GBP2: variants seen among roughly 807,000 people sequenced by gnomAD.
GBP2 encodes the protein guanylate binding protein 2.
Under a neutral mutation model 60.8 loss-of-function variants are expected in GBP2, and 54 were observed. The observed-to-expected ratio is 0.89, with a 90% confidence interval of 0.71 to 1.11. GBP2 has a LOEUF of 1.11. Ranked by LOEUF, GBP2 falls within the 50% of genes most tolerant of loss-of-function variation. The probability of loss-of-function intolerance (pLI) is 0.00; values close to 1 mark genes in which losing one functional copy is unlikely to be tolerated. For missense variants in GBP2, 665 were observed against 703.3 expected, an observed-to-expected ratio of 0.95 and a Z score of 0.62; for synonymous variants, 243 against 256.5, an observed-to-expected ratio of 0.95 and a Z score of 0.50.
chr1:89,110,200 C>G lies in GBP2; in HGVS notation c.1429G>C (p.Asp477His). ...TTTTCCTTTTCTGAGAGTGACTGAT[C>G]AGTCTGTAGAAGTGCATCAGCCACA... ...EDVADALLQTDQSLSEKEKAI... is the reference protein window; with the variant it reads ...EDVADALLQTHQSLSEKEKAI... The change falls in exon 9 of 11, where the codon GAT becomes CAT. Residue 477 changes from aspartate to histidine, a missense_variant. By Grantham distance (81) the Asp-to-His change is moderately conservative. Coordinates refer to ENST00000370466, the MANE Select transcript of GBP2 (RefSeq NM_004120.5). The G allele has an allele frequency of 6.2e-7, 1 of 1,613,604 alleles. No homozygotes were observed. Among genetic ancestry groups the G allele is most frequent in the South Asian group, 1.1e-5 (1 of 91,038 alleles).
intron 8 of GBP2, among the ~76,000 whole-genome samples, chr1:89,111,590 TAG>T (rs1681166027): frequency 7.7e-6 from 1 of 129,168 alleles, no homozygotes; most frequent in Admixed American, 1.0e-4. Flanking sequence ...TTCATGAAGA[TAG>T]AGAGTAGAAG....
intron 1 of GBP2, among the ~76,000 whole-genome samples, chr1:89,123,523 C>A (rs1440594496): frequency 6.6e-6 from 1 of 152,110 alleles, no homozygotes; most frequent in African/African-American, 2.4e-5. Context: ...AATTCTAGTA[C>A]ATATAATTTG....
rs779174359 is a variant in GBP2, at chr1:89,120,238, G to T, written c.369C>A (p.Ser123Arg). The T allele has an allele frequency of 6.8e-5, 110 of 1,613,850 alleles. 1 individual carries two copies. The highest frequency in any genetic ancestry group is 1.1e-5 in the South Asian group (1 of 91,092). Residue 123 changes from serine (S) to arginine (R), a missense_variant, in exon 4 of 11, where the codon AGC (serine) becomes AGA (arginine). Ser to Arg is a moderately radical substitution (Grantham distance 110). Transcript: ENST00000370466. ...SWIFALAILL[S>R]STFVYNSMGT... ...CCATGCTATTGTACACGAAGGTGCT[G>T]CTCAGGAGGATGGCCAAGGCAAAGA...
At chr1:89,124,619 C>T (rs570148545) in intron 1 of GBP2, among the ~76,000 whole-genome samples, 3 of 152,316 alleles carry the variant, frequency 2.0e-5, no homozygotes, top group African/African-American at 7.2e-5. Context: ...AGCCCCTCTA[C>T]GGACAGGGTC....
chr1:89,121,193 C>G lies in GBP2; in HGVS notation c.268G>C (p.Glu90Gln). The change falls in exon 3 of 11, where the codon GAA becomes CAA. Residue 90 changes from glutamate to glutamine, a missense_variant. By Grantham distance (29) the Glu-to-Gln change is conservative. Coordinates refer to ENST00000370466, the MANE Select transcript of GBP2 (RefSeq NM_004120.5). The stretch of plus-strand genomic sequence containing the variant: ...GTGTCGAGCAGAACTAGGGTGTGTT[C>G]TGGCTTCTTGGGATGAGGCACACAC... ...MWCVPHPKKP[E>Q]HTLVLLDTEG... 1 of 1,613,254 alleles carries G rather than the reference C, an allele frequency of 6.2e-7. No homozygotes were observed. Among genetic ancestry groups the G allele is most frequent in the Non-Finnish European group, 8.5e-7 (1 of 1,179,500 alleles).
At chr1:89,122,037 T>C (rs1275908005) in intron 1 of GBP2, 54 bp from the exon 2 acceptor site, 12 of 1,348,104 alleles carry the variant, frequency 8.9e-6, no homozygotes, top group Non-Finnish European at 1.1e-5. Context: ...TAGTTAGCTA[T>C]GCTGAACTTT....
At chr1:89,116,887 A>G in intron 6 of GBP2, 105 bp downstream of exon 6, 1 of 1,097,472 alleles carries the variant, frequency 9.1e-7, no homozygotes, top group Non-Finnish European at 1.3e-6. Context: ...TGCCATCAAT[A>G]GACTATGCAT....
At chr1:89,120,070 G>C (rs191809743) in intron 4 of GBP2, 109 bp downstream of exon 4, 420 of 721,478 alleles carry the variant, frequency 5.8e-4, no homozygotes, top group Admixed American at 8.4e-4. Context: ...TTATTAAAGA[G>C]AGGACTTATG....
chr1:89,111,650 G>C (rs1681168959), intron 8 of GBP2, among the ~76,000 whole-genome samples: 2 of 146,980 alleles, frequency 1.4e-5, no homozygotes, highest in South Asian at 4.4e-4. Flanking sequence ...GGGGGAGGGA[G>C]GTGGGGATGG....
rs1199959999 is a variant in GBP2 at position 89,107,263 on chromosome 1, C to T, written c.*912G>A. On this transcript the variant is annotated 3_prime_UTR_variant, in exon 11 of 11. Coordinates refer to ENST00000370466, the MANE Select transcript of GBP2 (RefSeq NM_004120.5). Reference sequence around the variant, plus strand: ...TAGCTTTGAGGATATAATGTCATAGCAGAGGAGCAGAGAGAAAAATGCAGT... The same window carrying T: ...TAGCTTTGAGGATATAATGTCATAGTAGAGGAGCAGAGAGAAAAATGCAGT... Among the ~76,000 whole-genome samples, 1 of 151,412 alleles carries T rather than the reference C, an allele frequency of 6.6e-6. No individual in the cohort carries two copies. The highest frequency in any genetic ancestry group is 1.5e-5 in the Non-Finnish European group (1 of 67,944).
chr1:89,111,999 C>T (rs1046098631), intron 8 of GBP2, among the ~76,000 whole-genome samples: 10 of 152,148 alleles, frequency 6.6e-5, no homozygotes, highest in Non-Finnish European at 1.3e-4. Flanking sequence ...ATTAGTAATA[C>T]ATATTTTATA....
At chr1:89,115,080 C>T (rs962250051) in intron 6 of GBP2, among the ~76,000 whole-genome samples, 3 of 152,134 alleles carry the variant, frequency 2.0e-5, no homozygotes, top group Admixed American at 6.6e-5. Flanking sequence ...AAACTTCATC[C>T]ACTCTGAAAA....
chr1:89,107,949 A>C lies in GBP2; in HGVS notation c.*226T>G, dbSNP rs1681085966. On this transcript the variant is annotated 3_prime_UTR_variant, in exon 11 of 11. Coordinates refer to ENST00000370466, the MANE Select transcript of GBP2 (RefSeq NM_004120.5). ...CAAATATAGGATTTAGTTAAAGATCATATTAAAAGTTAGTACTATAAATAA... is the reference window on the plus strand; with the variant it reads ...CAAATATAGGATTTAGTTAAAGATCCTATTAAAAGTTAGTACTATAAATAA... The C allele has an allele frequency of 2.8e-6, 1 of 362,456 alleles. No homozygotes were observed. Among genetic ancestry groups the C allele is most frequent in the Non-Finnish European group, 5.0e-6 (1 of 199,598 alleles). 22.5% of individuals were successfully genotyped at this position (362,456 alleles called of 1,614,324 possible). A position where few individuals can be genotyped will look rare whatever the true frequency, so the allele number is the denominator to read the frequency against.
intron 3 of GBP2, among the ~76,000 whole-genome samples, 153 bp from the exon 4 acceptor site, chr1:89,120,441 G>A (rs1681375560): frequency 6.6e-6 from 1 of 152,086 alleles, no homozygotes. Flanking sequence ...TTTTCTACCT[G>A]TAGAACAAAT....
rs187463672 is a variant in GBP2, at chr1:89,107,376, A to T, written c.*799T>A. On this transcript the variant is annotated 3_prime_UTR_variant, in exon 11 of 11. Transcript: ENST00000370466. ...TTGAGTTAAAGCTTTCCTTTCTGTG[A>T]TTGTAGAAGTTATTTTCTAAACTTC... is the stretch of plus-strand genomic sequence containing the variant. Among the ~76,000 whole-genome samples, 18 of 152,290 alleles carry T rather than the reference A, an allele frequency of 1.2e-4. No homozygotes were observed. In the East Asian group the frequency reaches 3.1e-3, roughly 26 times the overall value.
At chr1:89,108,320 T>C in intron 10 of GBP2, 29 bp from the exon 11 acceptor site, 1 of 1,404,392 alleles carries the variant, frequency 7.1e-7, no homozygotes, top group Non-Finnish European at 1.0e-6. Flanking sequence ...ACTAAGCCTA[T>C]CCAGCTTAAC....
At chr1:89,112,957 A>G (rs1681193640) in intron 7 of GBP2, 2 of 445,806 alleles carry the variant, frequency 4.5e-6, no homozygotes, top group Non-Finnish European at 8.1e-6. Flanking sequence ...TTCATACGAA[A>G]CTTTTATCTT....
intron 9 of GBP2, 48 bp from the exon 10 acceptor site, chr1:89,109,918 G>C (rs1681130882): frequency 6.6e-7 from 1 of 1,512,222 alleles, no homozygotes; most frequent in Non-Finnish European, 9.0e-7. Context: ...TCAATTGTAG[G>C]TGTTCCCTTT....
intron 5 of GBP2, 72 bp downstream of exon 5, chr1:89,117,505 C>T (rs1681301643): frequency 7.7e-7 from 1 of 1,305,342 alleles, no homozygotes; most frequent in South Asian, 1.3e-5. Flanking sequence ...ATTTTTAGCA[C>T]TGCACAGAAA....
Sources: gnomAD v4.1 joint callset for allele counts (sites outside exome capture counted in the v4.1 genomes callset) on GRCh38, gnomAD v4.1.1 for gene constraint, MANE v1.5 for transcripts, NCBI Gene and HGNC (gene_info 2026-07-23, HGNC 2026-07-21) for gene names.